Variants in GLI2 observed in about 807,000 individuals in gnomAD.
GLI2 encodes transcription activator GLI2.
Under a neutral mutation model 78.9 loss-of-function variants are expected in GLI2, and 22 were observed. The ratio of observed to expected loss-of-function variants is 0.28; its 90% CI spans 0.20 to 0.40. The LOEUF is 0.40. Among genes scored for constraint, GLI2 ranks in the 10% least tolerant of loss-of-function variants. GLI2 has a pLI of 1.00. For synonymous variants in GLI2, 974 were observed against 963.7 expected (o/e 1.01, Z -0.20); for missense variants, 2,097 against 2,213.2 (o/e 0.95, Z 1.05).
intron 3 of GLI2, among the ~76,000 whole-genome samples, chr2:120,950,250 C>CT (rs554890861): frequency 6.3e-4 from 96 of 152,380 alleles, no homozygotes; most frequent in African/African-American, 2.2e-3. Context: ...AACACACTCT[C>CT]TTTTCTTTGC....
At chr2:120,801,866 C>T (rs1404866838) in intron 2 of GLI2, among the ~76,000 whole-genome samples, 1 of 152,222 alleles carries the variant, frequency 6.6e-6, no homozygotes, top group Non-Finnish European at 1.5e-5. Context: ...CAACCACGAG[C>T]TGGGCCCGGG....
chr2:120,740,126 T>G (rs1317768133), intron 1 of GLI2, among the ~76,000 whole-genome samples: 1 of 152,184 alleles, frequency 6.6e-6, no homozygotes, highest in Non-Finnish European at 1.5e-5. Context: ...AATCATTGAT[T>G]ATTATTTTTA....
rs745872978 is a variant in GLI2, at chr2:120,955,378, C to T, written c.591C>T (p.Ser197=). Residue 197 remains serine (S), a synonymous_variant, in exon 5 of 14, where the codon AGC becomes AGT. Transcript: ENST00000361492. ...CCTACGGGGACCTGCTGATGCAGAG[C>T]GGGGGCGCTGCCAGCGCACCCCATC... ...PAPYGDLLMQ[S]GGAASAPHLH... is the part of the protein sequence containing the mutation. 5.6e-6 allele frequency: 9 copies of T among 1,612,512 alleles called. No individual in the cohort carries two copies. Among genetic ancestry groups the T allele is most frequent in the South Asian group, 3.3e-5 (3 of 91,016 alleles).
At chr2:120,856,784 C>T (rs889734241) in intron 2 of GLI2, among the ~76,000 whole-genome samples, 2 of 152,124 alleles carry the variant, frequency 1.3e-5, no homozygotes, top group African/African-American at 2.4e-5. Context: ...TCCTCAGGGG[C>T]GTCTGAAGAA....
intron 2 of GLI2, among the ~76,000 whole-genome samples, chr2:120,862,310 C>G (rs1687937048): frequency 6.6e-6 from 1 of 152,212 alleles, no homozygotes; most frequent in South Asian, 2.1e-4. Flanking sequence ...CAGGAAATGC[C>G]TCCTAACATA....
intron 2 of GLI2, among the ~76,000 whole-genome samples, chr2:120,807,105 G>A (rs1684992335): frequency 6.6e-6 from 1 of 152,190 alleles, no homozygotes; most frequent in Non-Finnish European, 1.5e-5. Context: ...GGGGGCTGGG[G>A]AGGGGGTCAC....
intron 1 of GLI2, among the ~76,000 whole-genome samples, chr2:120,755,083 T>G (rs1683000452): frequency 6.6e-6 from 1 of 152,168 alleles, no homozygotes; most frequent in Non-Finnish European, 1.5e-5. Flanking sequence ...ACTCCTGACC[T>G]CAAATGGTCT....
At chr2:120,923,693 TAA>T (rs1232659984) in intron 2 of GLI2, among the ~76,000 whole-genome samples, 1 of 151,884 alleles carries the variant, frequency 6.6e-6, no homozygotes, top group Non-Finnish European at 1.5e-5. Flanking sequence ...CACATACATA[TAA>T]AGACACACAC....
Position 120,990,192 on chromosome 2 carries a change from G to T in GLI2, c.4227G>T (p.Ser1409=), listed in dbSNP as rs143388073. Reference sequence around the variant, plus strand: ...AGGGAGCGATGGGCAACATGGGGTCGGTGCCTCCCCAGCCGCCTCCGCAGG... The same window carrying T: ...AGGGAGCGATGGGCAACATGGGGTCTGTGCCTCCCCAGCCGCCTCCGCAGG... ...VPKGAMGNMG[S]VPPQPPPQDA... The change falls in exon 14 of 14, where the codon TCG becomes TCT. Residue 1409 remains serine (S), a synonymous_variant. Transcript: ENST00000361492. 24 of 1,613,148 alleles carry T rather than the reference G, an allele frequency of 1.5e-5. No individual in the cohort carries two copies. The highest frequency in any genetic ancestry group is 1.9e-5 in the Non-Finnish European group (23 of 1,179,946).
intron 1 of GLI2, among the ~76,000 whole-genome samples, chr2:120,746,232 G>T (rs6705603): frequency 0.21 from 32,692 of 152,232 alleles, 3,855 homozygotes; most frequent in Non-Finnish European, 0.27. Flanking sequence ...GGTTAGCTGG[G>T]CTTCTGGGTC....
intron 3 of GLI2, among the ~76,000 whole-genome samples, chr2:120,949,935 T>C (rs577662129): frequency 6.6e-6 from 1 of 152,316 alleles, no homozygotes; most frequent in South Asian, 2.1e-4. Flanking sequence ...AATCATTTCC[T>C]CCCTGAAATA....
intron 1 of GLI2, among the ~76,000 whole-genome samples, chr2:120,794,056 T>G (rs1306595131): frequency 6.6e-6 from 1 of 152,228 alleles, no homozygotes; most frequent in Non-Finnish European, 1.5e-5. Context: ...AGTTACCAGC[T>G]TGAGCTGGGC....
In GLI2 at chr2:120,951,985, C is replaced by T. The variant is rs143971039; in HGVS notation, c.457+540C>T. Among the ~76,000 whole-genome samples, 910 of 152,286 alleles carry T rather than the reference C, an allele frequency of 6.0e-3. 7 individuals carry two copies. The highest frequency in any genetic ancestry group is 0.021 in the African/African-American group (880 of 41,550). On this transcript the variant is annotated intron_variant, in intron 4 of 13. Coordinates refer to ENST00000361492, the MANE Select transcript of GLI2 (RefSeq NM_001374353.1). ...CGGCTCAGAGATCAGATGGCCACCC[C>T]GGTGTGACTAATTTCAGCCAGAAAA...
At chr2:120,865,897 C>A (rs1421835242) in intron 2 of GLI2, among the ~76,000 whole-genome samples, 1 of 152,216 alleles carries the variant, frequency 6.6e-6, no homozygotes, top group African/African-American at 2.4e-5. Context: ...GACCTGGCAC[C>A]CCCCCTGTTC....
intron 1 of GLI2, among the ~76,000 whole-genome samples, chr2:120,791,245 T>G (rs546673127): frequency 1.3e-5 from 2 of 150,786 alleles, no homozygotes; most frequent in Admixed American, 6.6e-5. Context: ...GGTGGAGGAG[T>G]GAGTGTAAAT....
chr2:120,766,333 C>T (rs577006078), intron 1 of GLI2, among the ~76,000 whole-genome samples: 5 of 152,034 alleles, frequency 3.3e-5, no homozygotes, highest in Non-Finnish European at 5.9e-5. Context: ...CCATAATGTG[C>T]CCATCCACTG....
intron 2 of GLI2, among the ~76,000 whole-genome samples, chr2:120,876,622 A>G (rs941127461): frequency 1.4e-4 from 21 of 152,076 alleles, no homozygotes; most frequent in African/African-American, 4.6e-4. Flanking sequence ...CTTTTCTTGC[A>G]GGGGTTTGCA....
Position 120,986,522 on chromosome 2 carries a change from A to G in GLI2, c.2150A>G (p.Lys717Arg). The change falls in exon 13 of 14, where the codon AAG becomes AGG. Residue 717 changes from lysine to arginine, a missense_variant. By Grantham distance (26) the Lys-to-Arg change is conservative. This residue lies in a region of GLI2 where 1,290 missense variants were observed against 1,261.7 expected (regional missense o/e 1.02). Coordinates refer to ENST00000361492, the MANE Select transcript of GLI2 (RefSeq NM_001374353.1). ...TTMHRFEQLK[K>R]EKLKSLKDSC... ...ATGCACCGGTTCGAGCAGCTCAAGA[A>G]GGAGAAGCTCAAGTCACTCAAGGAT... 6.2e-7 allele frequency: 1 copy of G among 1,614,146 alleles called. No individual in the cohort carries two copies. The highest frequency in any genetic ancestry group is 1.6e-4 in the Middle Eastern group (1 of 6,062).
intron 2 of GLI2, among the ~76,000 whole-genome samples, chr2:120,862,698 T>C (rs898609234): frequency 6.6e-6 from 1 of 152,172 alleles, no homozygotes; most frequent in Non-Finnish European, 1.5e-5. Context: ...TTATTCATTA[T>C]CGCTTCACTG....
Sources: gnomAD v4.1 joint callset for allele counts (sites outside exome capture counted in the v4.1 genomes callset) on GRCh38, gnomAD v4.1.1 for gene constraint, gnomAD v4.1.1 regional missense constraint, MANE v1.5 for transcripts, NCBI Gene and HGNC (gene_info 2026-07-23, HGNC 2026-07-21) for gene names.